Variants in IL34 observed in about 807,000 individuals in gnomAD.
IL34 encodes the protein interleukin-34.
Under a neutral mutation model 25.3 loss-of-function variants are expected in IL34, and 17 were observed. The observed-to-expected ratio is 0.67, with a 90% CI of 0.46 to 1.01. IL34 has a LOEUF of 1.01. IL34 is among the 50% of genes least tolerant of loss of function. The probability of loss-of-function intolerance (pLI) is 0.00; values close to 1 mark genes in which losing one functional copy is unlikely to be tolerated. For synonymous variants in IL34, 174 were observed against 140.9 expected, an observed-to-expected ratio of 1.23 and a Z score of -1.66; for missense variants, 368 against 312.9, an observed-to-expected ratio of 1.18 and a Z score of -1.33.
intron 1 of IL34, among the ~76,000 whole-genome samples, chr16:70,634,830 ATGTAGTGTGCAC>A (rs2051605855): frequency 2.6e-5 from 4 of 152,156 alleles, no homozygotes; most frequent in Non-Finnish European, 5.9e-5. Context: ...AGCTGGAATT[ATGTAGTGTGCAC>A]GCTTTTGTGT....
chr16:70,638,388 A>G (rs1369396393), intron 1 of IL34, among the ~76,000 whole-genome samples: 1 of 152,024 alleles, frequency 6.6e-6, no homozygotes, highest in Non-Finnish European at 1.5e-5. Flanking sequence ...CCGAGGCAGA[A>G]GGATCTTGAG....
intron 1 of IL34, among the ~76,000 whole-genome samples, chr16:70,599,674 G>C (rs1464091420): frequency 6.9e-6 from 1 of 144,452 alleles, no homozygotes. Flanking sequence ...ACTGCACCCG[G>C]TCTTTTTTTT....
At chr16:70,587,513 C>T (rs1249616367) in intron 1 of IL34, among the ~76,000 whole-genome samples, 1 of 151,786 alleles carries the variant, frequency 6.6e-6, no homozygotes, top group Non-Finnish European at 1.5e-5. Flanking sequence ...CCTCATGATC[C>T]GCCCGCCTCG....
intron 1 of IL34, among the ~76,000 whole-genome samples, chr16:70,637,412 G>C (rs61170208): frequency 0.3 from 45,486 of 151,750 alleles, 7,084 homozygotes; most frequent in South Asian, 0.47. Flanking sequence ...GGAATGGTGT[G>C]ATCTCAGCTC....
Position 70,610,203 on chromosome 16 carries a change from GAA to G in IL34, c.-401+30169_-401+30170del, listed in dbSNP as rs532430858. ...GGCGAAAGAGCGAGACTCTATCTCA[GAA>G]AAAAAAAAAAAAAAGTGAACGTTTT... On this transcript the variant is annotated intron_variant, in intron 1 of 6. Coordinates refer to the IL34 transcript ENST00000429149. Among the ~76,000 whole-genome samples, 857 of 118,054 alleles carry G rather than the reference GAA, an allele frequency of 7.3e-3. 9 individuals carry two copies. The highest frequency in any genetic ancestry group is 0.023 in the African/African-American group (771 of 33,494). 77.4% of individuals were successfully genotyped at this position (118,054 alleles called of 152,430 possible).
chr16:70,654,616 CTG>C lies in IL34; in HGVS notation c.109_110del (p.Val37HisfsTer66). ...CCCTTGACGCAGAATGAGGAGTGCA[CTG>C]TCACGGGTTTTCTGCGGGACAAGCT... On this transcript the variant is annotated frameshift_variant, in exon 2 of 6. Transcript: ENST00000288098. LOFTEE classifies it high-confidence loss of function. The C allele has an allele frequency of 6.2e-7, 1 of 1,613,538 alleles. No individual in the cohort carries two copies. Among genetic ancestry groups the C allele is most frequent in the South Asian group, 1.1e-5 (1 of 91,004 alleles).
intron 1 of IL34, among the ~76,000 whole-genome samples, chr16:70,619,991 T>C (rs1198807796): frequency 2.0e-5 from 3 of 151,942 alleles, no homozygotes; most frequent in Non-Finnish European, 4.4e-5. Context: ...AGTTTGGAAG[T>C]TCTTGTGTGC....
chr16:70,641,753 G>A (rs1006510481), upstream of IL34, among the ~76,000 whole-genome samples: 13 of 151,764 alleles, frequency 8.6e-5, no homozygotes. Context: ...TTTTTGTAGA[G>A]ACAGGGTTTT....
chr16:70,634,550 C>T (rs939421787), intron 1 of IL34, among the ~76,000 whole-genome samples: 4 of 152,016 alleles, frequency 2.6e-5, no homozygotes, highest in Middle Eastern at 3.4e-3. Flanking sequence ...TGTGGTGGCA[C>T]GTGCCTATAA....
intron 1 of IL34, among the ~76,000 whole-genome samples, chr16:70,618,692 G>A (rs2051214016): frequency 6.6e-6 from 1 of 152,148 alleles, no homozygotes; most frequent in Admixed American, 6.6e-5. Context: ...GGGAGGAAAG[G>A]AATTGTTTTG....
rs139385477 is a variant in IL34, at chr16:70,652,122, C to T, written c.29-2416C>T. Among the ~76,000 whole-genome samples, 478 of 144,172 alleles carry T rather than the reference C, an allele frequency of 3.3e-3. 9 individuals are homozygous for T. The East Asian group carries it at 0.057, about 17-fold the overall frequency. 94.6% of individuals were successfully genotyped at this position (144,172 alleles called of 152,430 possible). A position where few individuals can be genotyped will look rare whatever the true frequency, so the allele number is the denominator to read the frequency against. ...CAGCCTGGGTGACAGAGCGGGACTC[C>T]GTCTCAAAAAAAAAATAAATAAAAA... On this transcript the variant is annotated intron_variant, in intron 1 of 5. Coordinates refer to ENST00000288098, the MANE Select transcript of IL34 (RefSeq NM_001393494.1).
intron 1 of IL34, among the ~76,000 whole-genome samples, chr16:70,587,542 A>T (rs1008691488): frequency 6.6e-6 from 1 of 151,758 alleles, no homozygotes; most frequent in African/African-American, 2.4e-5. Flanking sequence ...AAGGGCTGGG[A>T]TTACAGGTGT....
In IL34 at chr16:70,623,696, T is replaced by C. The variant is rs375894189; in HGVS notation, c.-400-22852T>C. On this transcript the variant is annotated intron_variant, in intron 1 of 6. Transcript: ENST00000429149. ...GGAGGCTTTGGATTGGGAAGAAGGG[T>C]GGCAATGAGATGTAGCTGTAGTCCA... 1.4e-3 allele frequency among the ~76,000 whole-genome samples: 210 copies of C among 151,606 alleles called. 1 individual carries two copies. The highest frequency in any genetic ancestry group is 2.2e-3 in the African/African-American group (89 of 41,290).
At chr16:70,600,947 GAGTAGGGGATGCTGGGAGA>G (rs879854850) in intron 1 of IL34, among the ~76,000 whole-genome samples, 48 of 136,322 alleles carry the variant, frequency 3.5e-4, no homozygotes, top group Admixed American at 2.7e-3. Flanking sequence ...CTGCTGGGAG[GAGTAGGGGATGCTGGGAGA>G]AGTAGGGGAT....
At chr16:70,652,804 G>A (rs559484445) in intron 1 of IL34, among the ~76,000 whole-genome samples, 5 of 152,268 alleles carry the variant, frequency 3.3e-5, no homozygotes, top group East Asian at 1.9e-4. Flanking sequence ...TGAAGGGTGC[G>A]GATACTACTA....
At chr16:70,585,777 C>G (rs1209338872) in intron 1 of IL34, among the ~76,000 whole-genome samples, 1 of 151,676 alleles carries the variant, frequency 6.6e-6, no homozygotes, top group African/African-American at 2.4e-5. Flanking sequence ...AGCAGTCCTC[C>G]CACTTCAGCC....
At chr16:70,640,543 G>T (rs1445423165) in intron 1 of IL34, among the ~76,000 whole-genome samples, 2 of 150,676 alleles carry the variant, frequency 1.3e-5, no homozygotes, top group East Asian at 3.9e-4. Flanking sequence ...AGAATCTCTT[G>T]AACCCGGGAG....
Position 70,660,028 on chromosome 16 carries a change from CTG to C in IL34, c.573_574del (p.Cys191Ter). On this transcript the variant is annotated frameshift_variant, in exon 6 of 6. Transcript: ENST00000288098. LOFTEE classifies it low-confidence loss of function (END_TRUNC). ...AAAGCTCCGTCCTAAACTGGCAGGACTGTGAGGTGCCAAGTCCTCAGTCTTGC... is the reference window on the plus strand; with the variant it reads ...AAAGCTCCGTCCTAAACTGGCAGGACTGAGGTGCCAAGTCCTCAGTCTTGC... ...KQSSVLNWQD[C>X]EVPSPQSCSP... 1 of 1,608,882 alleles carries C rather than the reference CTG, an allele frequency of 6.2e-7. No individual in the cohort carries two copies. Among genetic ancestry groups the C allele is most frequent in the Non-Finnish European group, 8.5e-7 (1 of 1,178,176 alleles).
chr16:70,644,670 T>C (rs1255941149), upstream of IL34, among the ~76,000 whole-genome samples: 1 of 140,998 alleles, frequency 7.1e-6, no homozygotes, highest in Non-Finnish European at 1.5e-5. Context: ...GTAGTGATGC[T>C]GTAACAGCAG....
Sources: gnomAD v4.1 joint callset for allele counts (sites outside exome capture counted in the v4.1 genomes callset) on GRCh38, gnomAD v4.1.1 for gene constraint, MANE v1.5 for transcripts, NCBI Gene and HGNC (gene_info 2026-07-23, HGNC 2026-07-21) for gene names.